Variants in LRRC8E observed in about 807,000 individuals in gnomAD.
LRRC8E encodes volume-regulated anion channel subunit LRRC8E.
A neutral mutation model predicts 6.1 loss-of-function variants in LRRC8E; 6 were observed. That is an observed-to-expected ratio of 0.98 (90% CI 0.54 to 1.93). LRRC8E has a LOEUF of 1.93. LRRC8E is among the 30% of genes most tolerant of loss of function. The pLI, the probability that LRRC8E is intolerant of heterozygous loss-of-function variation, is 0.01. For missense variants in LRRC8E, 1,028 were observed against 1,031.4 expected, an observed-to-expected ratio of 1.00 and a Z score of 0.04; for synonymous variants, 485 against 472.8, an observed-to-expected ratio of 1.03 and a Z score of -0.33.
chr19:7,894,734 G>GT (rs1381138651), intron 1 of LRRC8E, among the ~76,000 whole-genome samples: 2 of 152,218 alleles, frequency 1.3e-5, no homozygotes, highest in Non-Finnish European at 2.9e-5. Context: ...GTCTGTATCT[G>GT]TAATAGTGAT....
Position 7,900,158 on chromosome 19 carries a change from G to A in LRRC8E, c.1636G>A (p.Ala546Thr), listed in dbSNP as rs772318527. ...CAAGGTGTTGTCCCTCCGGAGCAAC[G>A]CCGGGAAGGTGCCAGCCAGTGTGAC... Reference protein sequence around the residue: ...QLKVLSLRSNAGKVPASVTDV... With the variant: ...QLKVLSLRSNTGKVPASVTDV... The change falls in exon 3 of 3, where the codon GCC becomes ACC. Residue 546 changes from alanine (A) to threonine (T), a missense_variant. Coordinates refer to ENST00000306708, the MANE Select transcript of LRRC8E (RefSeq NM_025061.6). The surrounding 1 kb of genome is among the most constrained non-coding windows in gnomAD (Gnocchi z 5.0). 4.0e-5 allele frequency: 64 copies of A among 1,612,858 alleles called. No individual in the cohort carries two copies. The highest frequency in any genetic ancestry group is 4.9e-5 in the Non-Finnish European group (58 of 1,179,984).
chr19:7,899,342 C>A lies in LRRC8E; in HGVS notation c.820C>A (p.Leu274Met). Residue 274 changes from leucine to methionine, a missense_variant, in exon 3 of 3, where the codon CTG becomes ATG. Physicochemically the swap from Leu to Met is conservative, Grantham distance 15. Transcript: ENST00000306708. ...CKFLAILVYN[L>M]VYVEKISFLV... ...GTTCCTGGCCATCCTGGTCTACAAC[C>A]TGGTCTATGTGGAGAAGATCAGTTT... The A allele has an allele frequency of 1.2e-6, 2 of 1,614,220 alleles. No homozygotes were observed. The highest frequency in any genetic ancestry group is 2.2e-5 in the South Asian group (2 of 91,084).
At chr19:7,898,217 C>CAAA (rs111279318) in intron 2 of LRRC8E, among the ~76,000 whole-genome samples, 197 of 127,450 alleles carry the variant, frequency 1.5e-3, no homozygotes, top group South Asian at 5.0e-3. Flanking sequence ...AAAAAAAAAC[C>CAAA]AAAAAAAAAA....
chr19:7,890,641 T>TAG (rs1981253545), intron 1 of LRRC8E, among the ~76,000 whole-genome samples: 1 of 151,800 alleles, frequency 6.6e-6, no homozygotes, highest in Non-Finnish European at 1.5e-5. Flanking sequence ...TACAAAAAAT[T>TAG]AGCCGGGCGA....
intron 2 of LRRC8E, among the ~76,000 whole-genome samples, chr19:7,897,036 G>C (rs763161458): frequency 6.6e-6 from 1 of 152,206 alleles, no homozygotes; most frequent in Non-Finnish European, 1.5e-5. Context: ...TCTGGGTCTG[G>C]TTCTGGAGGC....
In LRRC8E at chr19:7,888,612, GCT is replaced by G. The variant is rs1981140649; in HGVS notation, c.-6+15_-6+16del. 6.6e-6 allele frequency: 1 copy of G among 152,272 alleles called. No homozygotes were observed. Among genetic ancestry groups the G allele is most frequent in the African/African-American group, 2.4e-5 (1 of 41,466 alleles). 9.4% of individuals were successfully genotyped at this position (152,272 alleles called of 1,614,324 possible). A position where few individuals can be genotyped will look rare whatever the true frequency, so the allele number is the denominator to read the frequency against. On this transcript the variant is annotated intron_variant, in intron 1 of 2. Transcript: ENST00000306708. The stretch of plus-strand genomic sequence containing the variant: ...TCCCTCCCGGAACGGTGAGTAGGTG[GCT>G]CTTTGCCTCTGGACACCCCACGAGG...
chr19:7,889,818 T>A (rs1452473971), intron 1 of LRRC8E, among the ~76,000 whole-genome samples: 1 of 151,448 alleles, frequency 6.6e-6, no homozygotes, highest in Non-Finnish European at 1.5e-5. Context: ...GGCACGATCT[T>A]GGCTCACGGC....
chr19:7,896,377 C>T (rs925122163), intron 2 of LRRC8E, among the ~76,000 whole-genome samples: 26 of 150,744 alleles, frequency 1.7e-4, no homozygotes, highest in Non-Finnish European at 3.7e-4. Context: ...AGTTTGAGAC[C>T]AGCCTGGCCA....
chr19:7,892,537 G>A (rs1373352060), intron 1 of LRRC8E, among the ~76,000 whole-genome samples: 2 of 152,094 alleles, frequency 1.3e-5, no homozygotes, highest in Admixed American at 6.6e-5. Flanking sequence ...TAAAGCAACT[G>A]AGCAGTGTCC....
chr19:7,898,775 C>A lies in LRRC8E; in HGVS notation c.253C>A (p.Gln85Lys). The A allele has an allele frequency of 6.2e-7, 1 of 1,614,118 alleles. No individual in the cohort carries two copies. Among genetic ancestry groups the A allele is most frequent in the Non-Finnish European group, 8.5e-7 (1 of 1,180,022 alleles). The part of the protein sequence containing the change: ...RGIPEQIGAL[Q>K]EVKGLKNNLD... ...GATCCCTGAGCAGATTGGGGCCCTGCAGGAGGTTAAAGGCCTTAAGAACAA... is the reference window on the plus strand; with the variant it reads ...GATCCCTGAGCAGATTGGGGCCCTGAAGGAGGTTAAAGGCCTTAAGAACAA... The change falls in exon 3 of 3, where the codon CAG becomes AAG. Residue 85 changes from glutamine to lysine, a missense_variant. Transcript: ENST00000306708.
At chr19:7,889,432 A>G (rs1204860259) in intron 1 of LRRC8E, among the ~76,000 whole-genome samples, 1 of 126,498 alleles carries the variant, frequency 7.9e-6, no homozygotes, top group Non-Finnish European at 1.7e-5. Flanking sequence ...ACAGAGCGAC[A>G]CTCCATCTCA....
chr19:7,888,742 C>G (rs1487076910), intron 1 of LRRC8E, 142 bp downstream of exon 1: 1 of 152,212 alleles, frequency 6.6e-6, no homozygotes, highest in East Asian at 1.9e-4. Flanking sequence ...CCCGACACAC[C>G]AGGAGCTGGG....
At chr19:7,889,639 A>C (rs1470717718) in intron 1 of LRRC8E, among the ~76,000 whole-genome samples, 1 of 151,802 alleles carries the variant, frequency 6.6e-6, no homozygotes, top group African/African-American at 2.4e-5. Context: ...GCTACTGGGG[A>C]GGCTGAGGCA....
intron 1 of LRRC8E, among the ~76,000 whole-genome samples, chr19:7,891,714 C>A (rs749522291): frequency 6.6e-5 from 10 of 152,096 alleles, no homozygotes; most frequent in African/African-American, 9.7e-5. Context: ...TTAAGCAATT[C>A]TCCTGCCTCA....
In LRRC8E at chr19:7,901,350, A is replaced by T. The variant is rs1432542133; in HGVS notation, c.*437A>T. ...ACTTCTGGAGTTCTCTCCCAAGGAG[A>T]GGACACAGACACAGTTGTTTGCTGT... On this transcript the variant is annotated 3_prime_UTR_variant, in exon 3 of 3. Transcript: ENST00000306708. 1 of 160,042 alleles carries T rather than the reference A, an allele frequency of 6.2e-6. No homozygotes were observed. Among genetic ancestry groups the T allele is most frequent in the Non-Finnish European group, 1.4e-5 (1 of 73,046 alleles). The allele number at this position is 160,042 out of a possible 1,614,324, so 9.9% of individuals were successfully genotyped here. A position where few individuals can be genotyped will look rare whatever the true frequency, so the allele number is the denominator to read the frequency against.
Position 7,900,941 on chromosome 19 carries a change from G to T in LRRC8E, c.*28G>T. On this transcript the variant is annotated 3_prime_UTR_variant, in exon 3 of 3. Coordinates refer to ENST00000306708, the MANE Select transcript of LRRC8E (RefSeq NM_025061.6). The surrounding 1 kb of genome is among the most constrained non-coding windows in gnomAD (Gnocchi z 5.0). ...CTGGGGTGGGGCCGTTTTAGGTAGA[G>T]CCTTAAAAATGCTTCTGCCCTGGAA... is the stretch of plus-strand genomic sequence containing the variant. The T allele has an allele frequency of 1.4e-6, 2 of 1,462,326 alleles. No individual in the cohort carries two copies. The highest frequency in any genetic ancestry group is 1.8e-6 in the Non-Finnish European group (2 of 1,099,350). The allele number at this position is 1,462,326 out of a possible 1,614,324, so 90.6% of individuals were successfully genotyped here.
At position 7,895,600 on chromosome 19, in the gene LRRC8E, C is replaced by A. The variant is rs757956384; in HGVS notation, c.-4C>A. ...CCCCCGTCTCGTCCCGTCCCACAGG[C>A]AGCATGATCCCAGTGGCCGAGTTCA... On this transcript the variant is annotated splice_region_variant and 5_prime_UTR_variant, in exon 2 of 3. Coordinates refer to ENST00000306708, the MANE Select transcript of LRRC8E (RefSeq NM_025061.6). The surrounding 1 kb of genome is among the most constrained non-coding windows in gnomAD (Gnocchi z 4.7). The A allele has an allele frequency of 6.2e-7, 1 of 1,612,132 alleles. No individual in the cohort carries two copies. Among genetic ancestry groups the A allele is most frequent in the South Asian group, 1.1e-5 (1 of 91,066 alleles).
intron 2 of LRRC8E, among the ~76,000 whole-genome samples, chr19:7,897,487 T>TG (rs901526263): frequency 6.7e-6 from 1 of 149,760 alleles, no homozygotes; most frequent in African/African-American, 2.5e-5. Context: ...CGAGACAGTT[T>TG]TTTTTTTTTT....
In LRRC8E at chr19:7,898,667, C is replaced by T. The variant is rs756346420; in HGVS notation, c.145C>T (p.Gln49Ter). Residue 49 changes from glutamine to a stop codon, truncating the protein, a stop_gained, in exon 3 of 3, where the codon CAG (glutamine) becomes TAG (stop). Coordinates refer to ENST00000306708, the MANE Select transcript of LRRC8E (RefSeq NM_025061.6). LOFTEE classifies it low-confidence loss of function (END_TRUNC). ...ATTCTCTTTTGCTCCTCAGGTGACA[C>T]AGGACAAGATCATCTGTCTACCCAA... ...GVFGCTLQVT[Q>*]DKIICLPNHE... The T allele has an allele frequency of 3.1e-6, 5 of 1,599,782 alleles. No homozygotes were observed. The South Asian group carries it at 4.4e-5, about 14-fold the overall frequency.
Sources: gnomAD v4.1 joint callset for allele counts (sites outside exome capture counted in the v4.1 genomes callset) on GRCh38, gnomAD v4.1.1 for gene constraint, Gnocchi (gnomAD v3.1) non-coding constraint, MANE v1.5 for transcripts, NCBI Gene and HGNC (gene_info 2026-07-23, HGNC 2026-07-21) for gene names.